The following YDJC variants were observed in gnomAD, a reference collection of about 807,000 sequenced individuals.
YDJC encodes the protein YdjC chitooligosaccharide deacetylase homolog, also known as carbohydrate deacetylase.
Under a neutral mutation model 18.9 loss-of-function variants are expected in YDJC, and 23 were observed. The ratio of observed to expected loss-of-function variants is 1.22; its 90% confidence interval spans 0.87 to 1.72. YDJC has a LOEUF of 1.72. Among genes scored for constraint, YDJC ranks in the 40% most tolerant of loss-of-function variants. The pLI, the probability that YDJC is intolerant of heterozygous loss-of-function variation, is 0.00. For missense variants in YDJC, 467 were observed against 470.8 expected (o/e 0.99, Z 0.07); for synonymous variants, 224 against 217.6 (o/e 1.03, Z -0.26).
At position 21,629,382 on chromosome 22, in the gene YDJC, A is replaced by C; in HGVS notation, c.350T>G (p.Leu117Arg). The change falls in exon 3 of 5, where the codon CTA (leucine) becomes CGA (arginine). Residue 117 changes from leucine to arginine, a missense_variant. Physicochemically the swap from Leu to Arg is moderately radical, Grantham distance 102. Transcript: ENST00000292778. Reference protein sequence around the residue: ...PQVREELEAQLSCFRELLGRA... With the variant: ...PQVREELEAQRSCFRELLGRA... ...GCCCAGCAGCTCCCGGAAGCAGCTT[A>C]GTTGGGCCTCGAGCTCCTCCCGCAC... 5.2e-6 allele frequency: 8 copies of C among 1,549,288 alleles called. No individual in the cohort carries two copies. The highest frequency in any genetic ancestry group is 7.0e-6 in the Non-Finnish European group (8 of 1,146,846).
Position 21,629,111 on chromosome 22 carries a change from C to T in YDJC, c.501G>A (p.Val167=). The change falls in exon 4 of 5, where the codon GTG becomes GTA. Residue 167 remains valine, a synonymous_variant. Coordinates refer to ENST00000292778, the MANE Select transcript of YDJC (RefSeq NM_001017964.2). ...RFTRLPLERG[V]GGCTWLEAPA... ...GGGCCTCCAGCCAAGTGCAGCCACC[C>T]ACACCGCGCTCCAGCGGCAGTCGCG... 2 of 1,537,726 alleles carry T rather than the reference C, an allele frequency of 1.3e-6. No individual in the cohort carries two copies. Among genetic ancestry groups the T allele is most frequent in the Non-Finnish European group, 1.7e-6 (2 of 1,146,264 alleles).
At position 21,628,842 on chromosome 22, in the gene YDJC, AGGTAGGCT is replaced by A. The variant is rs1467259415; in HGVS notation, c.603-63_603-56del. Reference sequence around the variant, plus strand: ...CCAGGCCGGGCCATGGCCAAGGGCTAGGTAGGCTAGGGAAGGGACGGCGGGGTGGGAGG... The same window carrying A: ...CCAGGCCGGGCCATGGCCAAGGGCTAAGGGAAGGGACGGCGGGGTGGGAGG... On this transcript the variant is annotated intron_variant, in intron 4 of 4. Coordinates refer to ENST00000292778, the MANE Select transcript of YDJC (RefSeq NM_001017964.2). The A allele has an allele frequency of 1.5e-5, 17 of 1,103,694 alleles. No homozygotes were observed. The African/African-American group carries it at 2.4e-4, about 16-fold the overall frequency. The allele number at this position is 1,103,694 out of a possible 1,614,324, so 68.4% of individuals were successfully genotyped here. A position where few individuals can be genotyped will look rare whatever the true frequency, so the allele number is the denominator to read the frequency against.
rs924543619 is a variant in YDJC, at chr22:21,629,767, G to C, written c.165-6C>G. On this transcript the variant is annotated splice_polypyrimidine_tract_variant and splice_region_variant and intron_variant, in intron 1 of 4. Coordinates refer to ENST00000292778, the MANE Select transcript of YDJC (RefSeq NM_001017964.2). Reference sequence around the variant, plus strand: ...GGCCCGTGGGGATGCTGTGCCTGAGGGCGGAGCGCGAGCTGGAGCACTAGC... The same window carrying C: ...GGCCCGTGGGGATGCTGTGCCTGAGCGCGGAGCGCGAGCTGGAGCACTAGC... The C allele has an allele frequency of 1.4e-6, 2 of 1,481,382 alleles. No homozygotes were observed. Among genetic ancestry groups the C allele is most frequent in the African/African-American group, 2.9e-5 (2 of 69,714 alleles). 91.8% of individuals were successfully genotyped at this position (1,481,382 alleles called of 1,614,324 possible). A position where few individuals can be genotyped will look rare whatever the true frequency, so the allele number is the denominator to read the frequency against.
chr22:21,628,641 C>A lies in YDJC; in HGVS notation c.749G>T (p.Ser250Ile), dbSNP rs1378147959. ...ACCGCAGCCGCCGGTGGGAGGCACA[C>A]TGGGGTAGCCGGGGTGCGCCATCAG... ...AELMAHPGYP[S>I]VPPTGGCGEG... The change falls in exon 5 of 5, where the codon AGT becomes ATT. Residue 250 changes from serine (S) to isoleucine (I), a missense_variant. Coordinates refer to ENST00000292778, the MANE Select transcript of YDJC (RefSeq NM_001017964.2). 8 of 1,586,784 alleles carry A rather than the reference C, an allele frequency of 5.0e-6. No homozygotes were observed. Among genetic ancestry groups the A allele is most frequent in the Non-Finnish European group, 6.0e-6 (7 of 1,168,056 alleles).
chr22:21,628,460 A>C lies in YDJC; in HGVS notation c.930T>G (p.Cys310Trp). The change falls in exon 5 of 5, where the codon TGT (cysteine) becomes TGG (tryptophan). Residue 310 changes from cysteine (C) to tryptophan (W), a missense_variant. Coordinates refer to ENST00000292778, the MANE Select transcript of YDJC (RefSeq NM_001017964.2). ...DSKRPGEEVP[C>W]EPTLEPFLEP... The stretch of plus-strand genomic sequence containing the variant: ...CCAGGAAGGGTTCCAGAGTGGGCTC[A>C]CAGGGGACCTCCTCCCCTGGCCTCT... The C allele has an allele frequency of 1.3e-6, 2 of 1,589,320 alleles. No homozygotes were observed. Among genetic ancestry groups the C allele is most frequent in the Non-Finnish European group, 1.7e-6 (2 of 1,165,482 alleles).
rs1283843278 is a variant in YDJC, at chr22:21,628,564, C to T, written c.826G>A (p.Val276Ile). The change falls in exon 5 of 5, where the codon GTC (valine) becomes ATC (isoleucine). Residue 276 changes from valine (V) to isoleucine (I), a missense_variant. Coordinates refer to ENST00000292778, the MANE Select transcript of YDJC (RefSeq NM_001017964.2). ...CSWERLHELR[V>I]LTAPTLRAQL... ...GCCCGCAGCGTGGGCGCGGTGAGGA[C>T]GCGCAGCTCATGCAGCCGCTCCCAA... 5.6e-6 allele frequency: 9 copies of T among 1,610,348 alleles called. No homozygotes were observed. The highest frequency in any genetic ancestry group is 7.6e-6 in the Non-Finnish European group (9 of 1,178,136).
At chr22:21,628,937 CAGCT>C in intron 4 of YDJC, 69 bp downstream of exon 4, 1 of 1,433,306 alleles carries the variant, frequency 7.0e-7, no homozygotes, top group Non-Finnish European at 9.1e-7. Flanking sequence ...GAAACGGACA[CAGCT>C]AGCCAGGTGA....
rs2148457447 is a variant in YDJC, at chr22:21,628,474, C to T, written c.916G>A (p.Glu306Lys). 6.2e-7 allele frequency: 1 copy of T among 1,603,104 alleles called. No individual in the cohort carries two copies. Among genetic ancestry groups the T allele is most frequent in the Non-Finnish European group, 8.5e-7 (1 of 1,173,348 alleles). Residue 306 changes from glutamate to lysine, a missense_variant, in exon 5 of 5, where the codon GAG becomes AAG. Physicochemically the swap from Glu to Lys is moderately conservative, Grantham distance 56. Transcript: ENST00000292778. ...LDDLDSKRPG[E>K]EVPCEPTLEP... ...AGAGTGGGCTCACAGGGGACCTCCT[C>T]CCCTGGCCTCTTGGAGTCCAGGTCG...
At chr22:21,629,276 C>G (rs1473516776) in intron 3 of YDJC, 32 bp downstream of exon 3, 2 of 1,550,224 alleles carry the variant, frequency 1.3e-6, no homozygotes, top group Non-Finnish European at 1.7e-6. Flanking sequence ...CTGGGAGTAA[C>G]GCCCTCCAAA....
chr22:21,629,971 A>C lies in YDJC; in HGVS notation c.44T>G (p.Phe15Cys). The change falls in exon 1 of 5, where the codon TTT becomes TGT. Residue 15 changes from phenylalanine to cysteine, a missense_variant. By Grantham distance (205) the Phe-to-Cys change is radical. Coordinates refer to ENST00000292778, the MANE Select transcript of YDJC (RefSeq NM_001017964.2). ...CTCATCGCGTCGCGGGCAGTAACCA[A>C]AGTCGTCCGCGGTGACCACCAGGCG... ...RMRLVVTADDFGYCPRRDEGI... is the reference protein window; with the variant it reads ...RMRLVVTADDCGYCPRRDEGI... 6.2e-6 allele frequency: 10 copies of C among 1,603,610 alleles called. No homozygotes were observed. Among genetic ancestry groups the C allele is most frequent in the African/African-American group, 1.4e-5 (1 of 73,798 alleles).
chr22:21,629,231 G>A (rs563328394), intron 3 of YDJC, 44 bp from the exon 4 acceptor site: 2 of 1,549,206 alleles, frequency 1.3e-6, no homozygotes, highest in East Asian at 2.4e-5. Flanking sequence ...CTTTCACCTG[G>A]GGGCATCGAA....
intron 3 of YDJC, 24 bp downstream of exon 3, chr22:21,629,284 A>C (rs1245175676): frequency 3.9e-6 from 6 of 1,550,348 alleles, no homozygotes; most frequent in Admixed American, 2.0e-5. Context: ...AACGCCCTCC[A>C]AACTGGGATC....
chr22:21,629,976 GT>G lies in YDJC; in HGVS notation c.38del (p.Asp13AlafsTer22). On this transcript the variant is annotated frameshift_variant, in exon 1 of 5. Coordinates refer to ENST00000292778, the MANE Select transcript of YDJC (RefSeq NM_001017964.2). LOFTEE classifies it high-confidence loss of function. ...CGCGTCGCGGGCAGTAACCAAAGTC[GT>G]CCGCGGTGACCACCAGGCGCATGCG... Reference protein sequence around the residue: ...RPRMRLVVTADDFGYCPRRDE... With the variant: ...RPRMRLVVTAXDFGYCPRRDE... 6.2e-7 allele frequency: 1 copy of G among 1,602,732 alleles called. No individual in the cohort carries two copies. The highest frequency in any genetic ancestry group is 8.5e-7 in the Non-Finnish European group (1 of 1,177,930).
Position 21,629,520 on chromosome 22 carries a change from A to C in YDJC, c.324+82T>G, listed in dbSNP as rs769811081. On this transcript the variant is annotated intron_variant, in intron 2 of 4. Transcript: ENST00000292778. ...TTGAATGCGGAAGTCATCCACCGCC[A>C]GCTCCTAACGGCCTCACAGTACCCT... The C allele has an allele frequency of 3.8e-6, 6 of 1,595,676 alleles. No homozygotes were observed. In the African/African-American group the frequency reaches 6.7e-5, roughly 18 times the overall value.
rs1225690772 is a variant in YDJC, at chr22:21,628,236, A to C, written c.*182T>G. ...AGGCTAGGCCTGCCTGCAGCCAAGA[A>C]GGCTGCTCAAACTCTAGATGCCATT... On this transcript the variant is annotated 3_prime_UTR_variant, in exon 5 of 5. Coordinates refer to ENST00000292778, the MANE Select transcript of YDJC (RefSeq NM_001017964.2). 3 of 845,230 alleles carry C rather than the reference A, an allele frequency of 3.5e-6. No individual in the cohort carries two copies. In the African/African-American group the frequency reaches 5.2e-5, roughly 15 times the overall value. The allele number at this position is 845,230 out of a possible 1,614,324, so 52.4% of individuals were successfully genotyped here.
chr22:21,629,723 T>G lies in YDJC; in HGVS notation c.203A>C (p.Glu68Ala). The change falls in exon 2 of 5, where the codon GAG (glutamate) becomes GCG (alanine). Residue 68 changes from glutamate (E) to alanine (A), a missense_variant. Coordinates refer to ENST00000292778, the MANE Select transcript of YDJC (RefSeq NM_001017964.2). The part of the protein sequence containing the change: ...IPTGLHANLS[E>A]GRPVGPARRG... ...GCGGGCCGGACCCACGGGGCGGCCC[T>G]CGGACAGGTTGGCGTGGAGGCCCGT... The G allele has an allele frequency of 6.4e-7, 1 of 1,569,756 alleles. No individual in the cohort carries two copies.
intron 4 of YDJC, 27 bp from the exon 5 acceptor site, chr22:21,628,814 G>A (rs1262033234): frequency 2.8e-6 from 4 of 1,453,310 alleles, no homozygotes; most frequent in Non-Finnish European, 3.6e-6. Flanking sequence ...ATCAGAGGTG[G>A]GACCAGGCCG....
chr22:21,628,261 T>G lies in YDJC; in HGVS notation c.*157A>C, dbSNP rs1930318043. The G allele has an allele frequency of 2.8e-6, 3 of 1,052,664 alleles. No homozygotes were observed. The highest frequency in any genetic ancestry group is 5.2e-5 in the South Asian group (2 of 38,240). 65.2% of individuals were successfully genotyped at this position (1,052,664 alleles called of 1,614,324 possible). A position where few individuals can be genotyped will look rare whatever the true frequency, so the allele number is the denominator to read the frequency against. ...AGGCTGCTCAAACTCTAGATGCCAT[T>G]TGGAGGCATGAGGACCTGAGCCCAG... On this transcript the variant is annotated 3_prime_UTR_variant, in exon 5 of 5. Coordinates refer to ENST00000292778, the MANE Select transcript of YDJC (RefSeq NM_001017964.2).
chr22:21,628,606 CG>C lies in YDJC; in HGVS notation c.783del (p.Asp262ThrfsTer71). The C allele has an allele frequency of 3.1e-6, 5 of 1,601,028 alleles. No individual in the cohort carries two copies. Among genetic ancestry groups the C allele is most frequent in the Non-Finnish European group, 4.3e-6 (5 of 1,174,164 alleles). ...VPPTGGCGEGPDAFSCSWERL... is the reference protein window; with the variant it reads ...VPPTGGCGEGXDAFSCSWERL... Reference sequence around the variant, plus strand: ...CGCTCCCAAGAGCAAGAGAAAGCGTCGGGGCCTTCACCGCAGCCGCCGGTGG... The same window carrying C: ...CGCTCCCAAGAGCAAGAGAAAGCGTCGGGCCTTCACCGCAGCCGCCGGTGG... On this transcript the variant is annotated frameshift_variant, in exon 5 of 5. Transcript: ENST00000292778. LOFTEE classifies it low-confidence loss of function (END_TRUNC).
Sources: allele counts gnomAD v4.1 joint callset, GRCh38; gene constraint gnomAD v4.1.1; transcripts MANE v1.5; gene names NCBI Gene and HGNC (gene_info 2026-07-23, HGNC 2026-07-21).